Variants in CAST observed in about 807,000 individuals in gnomAD.
CAST encodes MIR583 host.
A neutral mutation model predicts 119.6 loss-of-function variants in CAST; 76 were observed. That is an observed-to-expected ratio of 0.64 (90% confidence interval 0.53 to 0.77). The LOEUF (loss-of-function observed/expected upper bound fraction) is 0.77, where lower values mean the gene tolerates loss of function less well. CAST is among the 30% of genes least tolerant of loss of function. CAST has a pLI of 0.00. For synonymous variants in CAST, 319 were observed against 331.6 expected (o/e 0.96, Z 0.41); for missense variants, 953 against 946.5 (o/e 1.01, Z -0.09).
chr5:96,264,036 A>G, the CAST span, among the ~76,000 whole-genome samples: 2 of 152,260 alleles, frequency 1.3e-5, no homozygotes, highest in African/African-American at 4.8e-5. Context: ...GGGAACACAG[A>G]GCCAAACCAT....
the CAST span, among the ~76,000 whole-genome samples, chr5:96,413,377 T>C: frequency 6.6e-6 from 1 of 152,220 alleles, no homozygotes; most frequent in African/African-American, 2.4e-5. Flanking sequence ...TATTTCTGGC[T>C]TCAGGCTCAT....
chr5:96,395,284 G>A, the CAST span, among the ~76,000 whole-genome samples: 12 of 152,070 alleles, frequency 7.9e-5, no homozygotes, highest in Non-Finnish European at 5.9e-5. Context: ...TTTCCATATT[G>A]GATGTGTTCT....
At chr5:96,191,464 G>T in the CAST span, among the ~76,000 whole-genome samples, 92 of 152,298 alleles carry the variant, frequency 6.0e-4, no homozygotes, top group South Asian at 2.3e-3. Flanking sequence ...TGCCTGAAAG[G>T]TTAAATGACT....
the CAST span, among the ~76,000 whole-genome samples, chr5:96,511,779 A>T: frequency 6.6e-6 from 1 of 152,266 alleles, no homozygotes; most frequent in African/African-American, 2.4e-5. Flanking sequence ...ACCTAGAGAA[A>T]GACAAATCAA....
At chr5:96,473,891 T>C in the CAST span, among the ~76,000 whole-genome samples, 3 of 152,076 alleles carry the variant, frequency 2.0e-5, no homozygotes, top group Admixed American at 2.0e-4. Context: ...ATGCAAAAAC[T>C]GAAACTCAGA....
the CAST span, among the ~76,000 whole-genome samples, chr5:95,967,596 A>G: frequency 6.6e-6 from 1 of 152,164 alleles, no homozygotes; most frequent in Non-Finnish European, 1.5e-5. Flanking sequence ...TTCTTCTAAC[A>G]GTGAGTGAGT....
chr5:96,441,694 G>C, the CAST span, among the ~76,000 whole-genome samples: 1 of 152,150 alleles, frequency 6.6e-6, no homozygotes, highest in East Asian at 1.9e-4. Flanking sequence ...TATGTAGAAA[G>C]CAGGCATTAG....
the CAST span, among the ~76,000 whole-genome samples, chr5:96,477,536 A>G: frequency 6.6e-6 from 1 of 152,324 alleles, no homozygotes; most frequent in South Asian, 2.1e-4. Context: ...CACAGTCACC[A>G]TGGTATTTTG....
intron 20 of CAST, among the ~76,000 whole-genome samples, chr5:96,752,267 C>T (rs1043770606): frequency 1.8e-4 from 28 of 152,192 alleles, no homozygotes; most frequent in Non-Finnish European, 1.0e-4. Flanking sequence ...AAGTCTGCTT[C>T]TTCTCCTAGG....
At chr5:96,087,471 A>G in the CAST span, among the ~76,000 whole-genome samples, 1 of 152,138 alleles carries the variant, frequency 6.6e-6, no homozygotes, top group Non-Finnish European at 1.5e-5. Context: ...TTTTCCCTAT[A>G]CCAGAAGTGC....
the CAST span, among the ~76,000 whole-genome samples, chr5:96,285,977 C>T: frequency 1.3e-5 from 2 of 152,172 alleles, no homozygotes; most frequent in African/African-American, 2.4e-5. Flanking sequence ...TCCATTCTCC[C>T]GCTGGGGTGG....
chr5:96,707,845 A>C (rs1755332245), intron 3 of CAST, among the ~76,000 whole-genome samples: 1 of 151,926 alleles, frequency 6.6e-6, no homozygotes, highest in African/African-American at 2.4e-5. Flanking sequence ...ACCACACCTC[A>C]GGGCCTCCAG....
At chr5:96,188,468 A>G in the CAST span, among the ~76,000 whole-genome samples, 1 of 151,828 alleles carries the variant, frequency 6.6e-6, no homozygotes, top group East Asian at 1.9e-4. Context: ...CTTTCTCCCA[A>G]TGTTTGATAT....
At chr5:96,708,742 C>T (rs770988570) in intron 3 of CAST, among the ~76,000 whole-genome samples, 7 of 152,168 alleles carry the variant, frequency 4.6e-5, no homozygotes, top group Non-Finnish European at 8.8e-5. Context: ...TCACCTGCCT[C>T]GGCCTCCTTC....
At chr5:96,442,155 T>C in the CAST span, among the ~76,000 whole-genome samples, 2 of 152,196 alleles carry the variant, frequency 1.3e-5, no homozygotes, top group African/African-American at 4.8e-5. Flanking sequence ...CTTCCACTTA[T>C]GTGGAATAGT....
intron 1 of CAST, among the ~76,000 whole-genome samples, chr5:96,642,078 A>G (rs963895546): frequency 7.2e-5 from 11 of 152,162 alleles, no homozygotes; most frequent in African/African-American, 2.2e-4. Flanking sequence ...TCTTACTCTC[A>G]TTATCTCCCC....
At chr5:96,240,167 C>T in the CAST span, among the ~76,000 whole-genome samples, 1 of 151,988 alleles carries the variant, frequency 6.6e-6, no homozygotes, top group South Asian at 2.1e-4. Context: ...TGTCTTGCTG[C>T]TTATCATTTT....
chr5:96,417,508 T>C, the CAST span, among the ~76,000 whole-genome samples: 1 of 151,952 alleles, frequency 6.6e-6, no homozygotes, highest in East Asian at 1.9e-4. Flanking sequence ...CCCCACTCTT[T>C]CTTGAGAATT....
chr5:96,314,702 A>G, the CAST span, among the ~76,000 whole-genome samples: 1 of 152,324 alleles, frequency 6.6e-6, no homozygotes, highest in East Asian at 1.9e-4. Flanking sequence ...CTTTTAAGTC[A>G]TACCTGCTGA....
Sources: gnomAD v4.1 joint callset for allele counts (sites outside exome capture counted in the v4.1 genomes callset) on GRCh38, gnomAD v4.1.1 for gene constraint, MANE v1.5 for transcripts, NCBI Gene and HGNC (gene_info 2026-07-23, HGNC 2026-07-21) for gene names.